RYR1: variants seen among roughly 807,000 people sequenced by gnomAD.
RYR1 encodes ryanodine receptor 1.
RYR1 carries 342 observed loss-of-function variants against 583.5 expected under a neutral mutation model. The observed-to-expected ratio is 0.59, with a 90% CI of 0.54 to 0.64. The LOEUF is 0.64. Among genes scored for constraint, RYR1 ranks in the 30% least tolerant of loss-of-function variants. RYR1 has a pLI of 0.00. For synonymous variants in RYR1, 2,791 were observed against 2,822.5 expected, an observed-to-expected ratio of 0.99 and a Z score of 0.35; for missense variants, 6,032 against 6,917.2, an observed-to-expected ratio of 0.87 and a Z score of 4.54.
At chr19:38,535,478 G>T (rs1468085663) in intron 81 of RYR1, 86 bp downstream of exon 81, 7 of 999,762 alleles carry the variant, frequency 7.0e-6, no homozygotes, top group Middle Eastern at 4.1e-4. Context: ...TTCTGATTCT[G>T]CTCTTTCAGT....
At chr19:38,546,605 G>C in intron 88 of RYR1, 79 bp downstream of exon 88, 1 of 1,148,778 alleles carries the variant, frequency 8.7e-7, no homozygotes, top group Non-Finnish European at 1.3e-6. Context: ...AGACCCGGGA[G>C]ACCCTAATCC....
chr19:38,521,711 G>GA (rs779689186), intron 67 of RYR1, among the ~76,000 whole-genome samples: 9 of 146,052 alleles, frequency 6.2e-5, no homozygotes, highest in East Asian at 4.2e-4. Context: ...AAGAAAAAAA[G>GA]AAAATTTTTT....
At position 38,496,266 on chromosome 19, in the gene RYR1, G is replaced by T; in HGVS notation, c.6600G>T (p.Ala2200=). 6.2e-7 allele frequency: 1 copy of T among 1,613,976 alleles called. No individual in the cohort carries two copies. The highest frequency in any genetic ancestry group is 8.5e-7 in the Non-Finnish European group (1 of 1,180,036). The part of the protein sequence containing the change: ...VFYQHPNLMR[A]LGMHETVMEV... Reference sequence around the variant, plus strand: ...ACCAACACCCGAACCTGATGAGGGCGCTGGGCATGCACGAGACGGTCATGG... The same window carrying T: ...ACCAACACCCGAACCTGATGAGGGCTCTGGGCATGCACGAGACGGTCATGG... The change falls in exon 40 of 106, where the codon GCG becomes GCT. Residue 2200 remains alanine, a synonymous_variant. Transcript: ENST00000359596. The surrounding 1 kb of genome is among the most constrained non-coding windows in gnomAD (Gnocchi z 4.8).
intron 94 of RYR1, 148 bp from the exon 95 acceptor site, chr19:38,571,871 C>T (rs1034184884): frequency 3.6e-6 from 4 of 1,124,822 alleles, no homozygotes. Context: ...CTAGCTACAG[C>T]CCTAGGCCCA....
Position 38,505,379 on chromosome 19 carries a change from A to G in RYR1, c.8381A>G (p.Tyr2794Cys). The G allele has an allele frequency of 6.2e-7, 1 of 1,610,876 alleles. No individual in the cohort carries two copies. Among genetic ancestry groups the G allele is most frequent in the Non-Finnish European group, 8.5e-7 (1 of 1,178,320 alleles). The change falls in exon 53 of 106, where the codon TAC becomes TGC. Residue 2794 changes from tyrosine to cysteine, a missense_variant. Transcript: ENST00000359596. ...ELKTHPMLRP[Y>C]KTFSEKDKEI... The stretch of plus-strand genomic sequence containing the variant: ...AAGACCCACCCCATGCTGAGGCCCT[A>G]CAAGACCTTTTCAGAGAAGGTGACC...
rs752478710 is a variant in RYR1 at position 38,561,292 on chromosome 19, G to A, written c.12462G>A (p.Pro4154=). The change falls in exon 90 of 106, where the codon CCG becomes CCA. Residue 4154 remains proline, a synonymous_variant. Coordinates refer to ENST00000359596, the MANE Select transcript of RYR1 (RefSeq NM_000540.3). This position sits in a 1 kb window ranked among gnomAD's most constrained non-coding sequence, Gnocchi z 4.8. ...VLLTNLSEHV[P]HDPRLHNFLE... The stretch of plus-strand genomic sequence containing the variant: ...TGACCAACCTGTCGGAGCATGTGCC[G>A]CATGACCCTCGCCTGCACAACTTCC... 5.6e-6 allele frequency: 9 copies of A among 1,613,948 alleles called. No individual in the cohort carries two copies. Among genetic ancestry groups the A allele is most frequent in the Admixed American group, 3.3e-5 (2 of 60,022 alleles).
intron 101 of RYR1, among the ~76,000 whole-genome samples, chr19:38,581,644 G>C (rs892856794): frequency 2.0e-5 from 3 of 152,108 alleles, no homozygotes; most frequent in Non-Finnish European, 4.4e-5. Context: ...TGTCACCCAG[G>C]CTGGAGTGCA....
At chr19:38,573,652 C>A (rs1425841184) in intron 96 of RYR1, among the ~76,000 whole-genome samples, 2 of 151,664 alleles carry the variant, frequency 1.3e-5, no homozygotes, top group African/African-American at 4.8e-5. Flanking sequence ...TACACTCCAG[C>A]CTGGGCAACA....
Position 38,496,274 on chromosome 19 carries a change from T to C in RYR1, c.6608T>C (p.Met2203Thr). 6.2e-7 allele frequency: 1 copy of C among 1,613,996 alleles called. No individual in the cohort carries two copies. Among genetic ancestry groups the C allele is most frequent in the South Asian group, 1.1e-5 (1 of 91,088 alleles). Residue 2203 changes from methionine (M) to threonine (T), a missense_variant, in exon 40 of 106, where the codon ATG becomes ACG. This residue lies in a region of RYR1 where 2,627 missense variants were observed against 2,961.3 expected (regional missense o/e 0.89). Transcript: ENST00000359596. This position sits in a 1 kb window ranked among gnomAD's most constrained non-coding sequence, Gnocchi z 4.8. ...QHPNLMRALG[M>T]HETVMEVMVN... ...CCGAACCTGATGAGGGCGCTGGGCA[T>C]GCACGAGACGGTCATGGAGGTCATG...
chr19:38,484,249 G>A (rs746850354), intron 33 of RYR1, among the ~76,000 whole-genome samples: 10 of 152,100 alleles, frequency 6.6e-5, no homozygotes, highest in Middle Eastern at 3.4e-3. Flanking sequence ...CTAGGATCAC[G>A]CCACTGCACT....
intron 13 of RYR1, among the ~76,000 whole-genome samples, chr19:38,453,956 C>G (rs1354831903): frequency 2.0e-5 from 3 of 152,162 alleles, no homozygotes; most frequent in Non-Finnish European, 2.9e-5. Context: ...TGTGATGCCA[C>G]TTTGGTTGTG....
Position 38,580,367 on chromosome 19 carries a change from C to A in RYR1, c.14512-3C>A. ...AGCTGACCTGGCCCCATCCTGCCCC[C>A]AGCTGGTGATGACCGTGGGCCTTCT... is the stretch of plus-strand genomic sequence containing the variant. On this transcript the variant is annotated splice_polypyrimidine_tract_variant and splice_region_variant and intron_variant, in intron 100 of 105. Transcript: ENST00000359596. The A allele has an allele frequency of 1.2e-6, 2 of 1,614,006 alleles. No homozygotes were observed. Among genetic ancestry groups the A allele is most frequent in the Non-Finnish European group, 1.7e-6 (2 of 1,180,010 alleles).
At chr19:38,560,873 A>T (rs1973100621) in intron 89 of RYR1, among the ~76,000 whole-genome samples, 1 of 151,674 alleles carries the variant, frequency 6.6e-6, no homozygotes, top group Non-Finnish European at 1.5e-5. Context: ...AATTAAAATT[A>T]AAATTAGCCA....
At chr19:38,447,367 C>G (rs1972995762) in intron 9 of RYR1, among the ~76,000 whole-genome samples, 1 of 150,398 alleles carries the variant, frequency 6.6e-6, no homozygotes, top group African/African-American at 2.4e-5. Flanking sequence ...GTGGTGAAAC[C>G]CTGTCTCTAC....
At chr19:38,491,420 T>A (rs1242414039) in intron 37 of RYR1, among the ~76,000 whole-genome samples, 1 of 150,708 alleles carries the variant, frequency 6.6e-6, no homozygotes, top group Non-Finnish European at 1.5e-5. Flanking sequence ...TCTCTGAGGA[T>A]TTCTTTCATT....
In RYR1 at chr19:38,440,861, G is replaced by A. The variant is rs769042961; in HGVS notation, c.162G>A (p.Ala54=). The A allele has an allele frequency of 1.1e-5, 17 of 1,611,856 alleles. No individual in the cohort carries two copies. Among genetic ancestry groups the A allele is most frequent in the Non-Finnish European group, 1.4e-5 (16 of 1,179,544 alleles). Residue 54 remains alanine, a synonymous_variant, in exon 2 of 106, where the codon GCG becomes GCA. Transcript: ENST00000359596. ...RLCFLEPTSN[A]QNVPPDLAIC... Reference sequence around the variant, plus strand: ...GCTTCCTGGAGCCCACTAGCAACGCGCAGGTCTGTGCAGGAGGGAGAGGGG... The same window carrying A: ...GCTTCCTGGAGCCCACTAGCAACGCACAGGTCTGTGCAGGAGGGAGAGGGG...
chr19:38,443,518 G>T, intron 3 of RYR1, 40 bp from the exon 4 acceptor site: 1 of 1,581,256 alleles, frequency 6.3e-7, no homozygotes. Context: ...TGGAGAGTCC[G>T]GGGATCTGTG....
chr19:38,567,018 C>T, intron 92 of RYR1, 31 bp downstream of exon 92: 1 of 1,560,348 alleles, frequency 6.4e-7, no homozygotes, highest in South Asian at 1.2e-5. Context: ...GGGGCCTAGC[C>T]CCTATCACTG....
Position 38,506,453 on chromosome 19 carries a change from C to G in RYR1, c.8617-18C>G, listed in dbSNP as rs768033875. On this transcript the variant is annotated intron_variant, in intron 55 of 105. Coordinates refer to ENST00000359596, the MANE Select transcript of RYR1 (RefSeq NM_000540.3). ...GGCATCCTCTGAATCTAGCCCTTGA[C>G]TCTGCATCCACTCCCAGGCCATGGC... is the stretch of plus-strand genomic sequence containing the variant. 1.2e-6 allele frequency: 2 copies of G among 1,614,052 alleles called. No individual in the cohort carries two copies. The highest frequency in any genetic ancestry group is 1.7e-5 in the Admixed American group (1 of 60,026).
Sources: gnomAD v4.1 joint callset for allele counts (sites outside exome capture counted in the v4.1 genomes callset) on GRCh38, gnomAD v4.1.1 for gene constraint, gnomAD v4.1.1 regional missense constraint, Gnocchi (gnomAD v3.1) non-coding constraint, MANE v1.5 for transcripts, NCBI Gene and HGNC (gene_info 2026-07-23, HGNC 2026-07-21) for gene names.